Variants in L2HGDH observed in about 807,000 individuals in gnomAD.
L2HGDH encodes L-2-hydroxyglutarate dehydrogenase, also known as L-2-hydroxyglutarate dehydrogenase, mitochondrial.
L2HGDH carries 34 observed loss-of-function variants against 51.5 expected under a neutral mutation model. The ratio of observed to expected loss-of-function variants is 0.66; its 90% confidence interval spans 0.50 to 0.88. The LOEUF is 0.88. L2HGDH is among the 40% of genes least tolerant of loss of function. L2HGDH has a pLI of 0.00. For synonymous variants in L2HGDH, 198 were observed against 197.9 expected, an observed-to-expected ratio of 1.00 and a Z score of -0.01; for missense variants, 558 against 571.9, an observed-to-expected ratio of 0.98 and a Z score of 0.25.
At chr14:50,302,482 G>A (rs556348965) in intron 2 of L2HGDH, among the ~76,000 whole-genome samples, 5 of 152,234 alleles carry the variant, frequency 3.3e-5, no homozygotes, top group Admixed American at 6.5e-5. Context: ...AGAAGGGCAC[G>A]GGGTGCTCAA....
At position 50,312,160 on chromosome 14, in the gene L2HGDH, A is replaced by G; in HGVS notation, c.-10T>C. On this transcript the variant is annotated 5_prime_UTR_variant, in exon 1 of 10. Coordinates refer to ENST00000267436, the MANE Select transcript of L2HGDH (RefSeq NM_024884.3). ...GCAGCGCTGGCACCATCCCCTACGC[A>G]CGCTCCCCTCCCTCAGCGCTCAGAA... The G allele has an allele frequency of 6.2e-7, 1 of 1,609,132 alleles. No homozygotes were observed. Among genetic ancestry groups the G allele is most frequent in the Non-Finnish European group, 8.5e-7 (1 of 1,179,146 alleles).
At chr14:50,258,073 T>TA (rs3072729) in intron 9 of L2HGDH, among the ~76,000 whole-genome samples, 56 of 141,682 alleles carry the variant, frequency 4.0e-4, no homozygotes, top group South Asian at 1.8e-3. Flanking sequence ...GTCAAAAAGT[T>TA]AAAAAAAAAA....
chr14:50,259,746 G>A (rs1427200116), intron 9 of L2HGDH, among the ~76,000 whole-genome samples: 4 of 151,772 alleles, frequency 2.6e-5, no homozygotes, highest in African/African-American at 4.8e-5. Context: ...AGGCAGGAGA[G>A]TCACCTGAAC....
At chr14:50,280,165 C>T (rs1890188713) in intron 5 of L2HGDH, among the ~76,000 whole-genome samples, 1 of 141,102 alleles carries the variant, frequency 7.1e-6, no homozygotes, top group Non-Finnish European at 1.6e-5. Context: ...TGGGTCACTG[C>T]TTTTTTTTTT....
chr14:50,295,201 A>G (rs1432251922), intron 3 of L2HGDH, among the ~76,000 whole-genome samples: 5 of 152,084 alleles, frequency 3.3e-5, no homozygotes, highest in Non-Finnish European at 1.5e-5. Flanking sequence ...TGTCAGGCCC[A>G]TTTTACTGAA....
rs1161688518 is a variant in L2HGDH at position 50,294,098 on chromosome 14, C to T, written c.540+17G>A. The T allele has an allele frequency of 1.2e-6, 2 of 1,613,346 alleles. No individual in the cohort carries two copies. Among genetic ancestry groups the T allele is most frequent in the East Asian group, 2.2e-5 (1 of 44,830 alleles). ...GACTAAGCCCTAAATAAAAACATCC[C>T]TTTGTTAATCACTTACCCTACAATA... On this transcript the variant is annotated intron_variant, in intron 4 of 9. Transcript: ENST00000267436.
At chr14:50,277,842 T>C (rs1219180304) in intron 6 of L2HGDH, among the ~76,000 whole-genome samples, 1 of 150,696 alleles carries the variant, frequency 6.6e-6, no homozygotes, top group Non-Finnish European at 1.5e-5. Context: ...GTGGCAGAAG[T>C]AAATCAGCAG....
chr14:50,273,020 C>T (rs1389093234), intron 6 of L2HGDH, among the ~76,000 whole-genome samples: 1 of 152,104 alleles, frequency 6.6e-6, no homozygotes, highest in East Asian at 1.9e-4. Flanking sequence ...AGTGGGCAGA[C>T]CTCTGAACAT....
At chr14:50,304,255 T>C (rs1375008248) in intron 1 of L2HGDH, among the ~76,000 whole-genome samples, 2 of 152,214 alleles carry the variant, frequency 1.3e-5, no homozygotes, top group Non-Finnish European at 2.9e-5. Flanking sequence ...ATCACCACTG[T>C]ACATGCAGTC....
At chr14:50,293,328 T>C in intron 4 of L2HGDH, 3 of 695,656 alleles carry the variant, frequency 4.3e-6, no homozygotes, top group South Asian at 1.5e-5. Flanking sequence ...TTATACCATA[T>C]ATAAAAATCA....
chr14:50,277,197 T>G (rs931940899), intron 6 of L2HGDH, among the ~76,000 whole-genome samples: 7 of 134,660 alleles, frequency 5.2e-5, no homozygotes, highest in African/African-American at 1.7e-4. Flanking sequence ...AAGTAGACTG[T>G]TTTTTTTTTG....
chr14:50,278,520 C>T lies in L2HGDH; in HGVS notation c.738G>A (p.Lys246=), dbSNP rs771091083. ...AGCAGTTTTGCTTAAGAATCTTTAC[C>T]TTTGTATTCTTTATAACAATTGGAT... The part of the protein sequence containing the change: ...MQYPIVIKNT[K]GEEIRCQYVV... The change falls in exon 6 of 10, where the codon AAG becomes AAA. Residue 246 remains lysine, a splice_region_variant and synonymous_variant. Coordinates refer to ENST00000267436, the MANE Select transcript of L2HGDH (RefSeq NM_024884.3). 6.7e-6 allele frequency: 10 copies of T among 1,488,916 alleles called. No homozygotes were observed. Among genetic ancestry groups the T allele is most frequent in the Non-Finnish European group, 8.4e-6 (9 of 1,074,006 alleles). 92.2% of individuals were successfully genotyped at this position (1,488,916 alleles called of 1,614,324 possible).
Position 50,243,579 on chromosome 14 carries a change from A to G in L2HGDH, c.*3479T>C, listed in dbSNP as rs1018400607. On this transcript the variant is annotated 3_prime_UTR_variant, in exon 10 of 10. Transcript: ENST00000267436. The stretch of plus-strand genomic sequence containing the variant: ...TTAAACAAAAAAACCCTATTGACAT[A>G]CATATAAAACGTTTTACAAGCAGAA... The G allele has an allele frequency of 4.5e-5, 36 of 805,774 alleles. No homozygotes were observed. Among genetic ancestry groups the G allele is most frequent in the Non-Finnish European group, 5.4e-5 (36 of 666,700 alleles). The allele number at this position is 805,774 out of a possible 1,614,324, so 49.9% of individuals were successfully genotyped here.
At chr14:50,305,279 T>C (rs1175225674) in intron 1 of L2HGDH, among the ~76,000 whole-genome samples, 1 of 152,170 alleles carries the variant, frequency 6.6e-6, no homozygotes, top group African/African-American at 2.4e-5. Context: ...AAAATGGTTG[T>C]CAAGGATGGT....
chr14:50,291,705 T>A (rs765098279), intron 4 of L2HGDH, among the ~76,000 whole-genome samples: 1 of 152,218 alleles, frequency 6.6e-6, no homozygotes, highest in Non-Finnish European at 1.5e-5. Flanking sequence ...TTTTTTTCCT[T>A]CAAGCTTTTA....
chr14:50,308,223 T>G (rs2030843335), intron 1 of L2HGDH, among the ~76,000 whole-genome samples: 1 of 152,106 alleles, frequency 6.6e-6, no homozygotes, highest in South Asian at 2.1e-4. Context: ...AAACCCCATC[T>G]CTACTAAAAA....
At chr14:50,283,808 G>T in intron 5 of L2HGDH, 63 bp downstream of exon 5, 2 of 1,455,414 alleles carry the variant, frequency 1.4e-6, no homozygotes, top group South Asian at 1.2e-5. Context: ...TAAAACCACA[G>T]ATGCAAAACC....
chr14:50,288,012 T>C (rs2052353799), intron 4 of L2HGDH, among the ~76,000 whole-genome samples: 1 of 152,108 alleles, frequency 6.6e-6, no homozygotes. Context: ...GTTGTATATA[T>C]TTATGGAACA....
At chr14:50,285,084 T>G (rs1361355938) in intron 4 of L2HGDH, among the ~76,000 whole-genome samples, 2 of 152,088 alleles carry the variant, frequency 1.3e-5, no homozygotes, top group African/African-American at 4.8e-5. Context: ...TCATCTCTAC[T>G]AAAAATACAA....
Sources: gnomAD v4.1 joint callset for allele counts (sites outside exome capture counted in the v4.1 genomes callset) on GRCh38, gnomAD v4.1.1 for gene constraint, MANE v1.5 for transcripts, NCBI Gene and HGNC (gene_info 2026-07-23, HGNC 2026-07-21) for gene names.